Variants in PFKFB3 observed in about 807,000 individuals in gnomAD.
The protein encoded by PFKFB3 is 6-phosphofructo-2-kinase/fructose-2,6-bisphosphatase 3.
Under a neutral mutation model 68.0 loss-of-function variants are expected in PFKFB3, and 33 were observed. The observed-to-expected ratio is 0.49, with a 90% confidence interval of 0.37 to 0.65. The LOEUF is 0.65. Ranked by LOEUF, PFKFB3 falls within the 30% of genes least tolerant of loss-of-function variation. The probability of loss-of-function intolerance (pLI) is 0.00; values close to 1 mark genes in which losing one functional copy is unlikely to be tolerated. For missense variants in PFKFB3, 586 were observed against 712.2 expected (o/e 0.82, Z 2.02); for synonymous variants, 315 against 288.2 (o/e 1.09, Z -0.94).
chr10:6,226,660 G>A (rs74947606), intron 14 of PFKFB3, among the ~76,000 whole-genome samples: 2,892 of 152,342 alleles, frequency 0.019, 93 homozygotes, highest in African/African-American at 0.066. Context: ...TTACAGGGCA[G>A]AAGCAGGCAG....
chr10:6,213,484 T>A, intron 1 of PFKFB3, 139 bp from the exon 2 acceptor site: 1 of 959,198 alleles, frequency 1.0e-6, no homozygotes, highest in Non-Finnish European at 1.6e-6. Flanking sequence ...GCCACCGTGC[T>A]CCCGCCTGGG....
the PFKFB3 span, among the ~76,000 whole-genome samples, chr10:6,286,052 A>G: frequency 7.6e-6 from 1 of 132,010 alleles, no homozygotes; most frequent in Admixed American, 9.6e-5. Flanking sequence ...ATCTTGGCTC[A>G]CTGGAAACTC....
the PFKFB3 span, among the ~76,000 whole-genome samples, chr10:6,283,540 A>AGATGGAGGCCAGAAGACTCAGCCCACGCT: frequency 4.0e-5 from 6 of 151,036 alleles, no homozygotes; most frequent in South Asian, 4.2e-4. Context: ...CATGGGAGAA[A>AGATGGAGGCCAGAAGACTCAGCCCACGCT]GATGGAGGCT....
rs1287961140 is a variant in PFKFB3, at chr10:6,223,946, T to A, written c.1214-12T>A. 11 of 1,612,878 alleles carry A rather than the reference T, an allele frequency of 6.8e-6. No homozygotes were observed. Among genetic ancestry groups the A allele is most frequent in the Middle Eastern group, 1.6e-4 (1 of 6,082 alleles). ...CTCATTTCTAACTGTGGGTGTACAA[T>A]TTCAATTTCAGAGGAGATGCCCTAC... On this transcript the variant is annotated splice_polypyrimidine_tract_variant and intron_variant, in intron 11 of 14. Transcript: ENST00000379775.
At chr10:6,314,418 T>C in the PFKFB3 span, among the ~76,000 whole-genome samples, 1 of 152,260 alleles carries the variant, frequency 6.6e-6, no homozygotes, top group African/African-American at 2.4e-5. Context: ...TCTGTCTGTG[T>C]CTGTGCATAT....
chr10:6,195,830 A>C (rs941720102), intron 1 of PFKFB3, among the ~76,000 whole-genome samples: 1 of 152,214 alleles, frequency 6.6e-6, no homozygotes, highest in Admixed American at 6.5e-5. Flanking sequence ...TGAGTTTCTC[A>C]GTCCATTTTC....
At chr10:6,281,584 A>G in the PFKFB3 span, among the ~76,000 whole-genome samples, 1 of 151,886 alleles carries the variant, frequency 6.6e-6, no homozygotes, top group African/African-American at 2.4e-5. Context: ...GATACATTCC[A>G]CTGTTTTTCC....
chr10:6,223,822 G>T, intron 11 of PFKFB3, 136 bp from the exon 12 acceptor site: 1 of 743,332 alleles, frequency 1.3e-6, no homozygotes, highest in Non-Finnish European at 2.4e-6. Context: ...TTGCCATGTT[G>T]GTCAGGCTGG....
At chr10:6,178,974 C>T (rs759058106) in intron 1 of PFKFB3, among the ~76,000 whole-genome samples, 2 of 152,252 alleles carry the variant, frequency 1.3e-5, no homozygotes, top group Admixed American at 1.3e-4. Context: ...GATTTCATCT[C>T]TGAGGCGGCT....
intron 1 of PFKFB3, among the ~76,000 whole-genome samples, chr10:6,191,999 C>T (rs912653585): frequency 2.9e-5 from 4 of 135,692 alleles, no homozygotes; most frequent in African/African-American, 1.1e-4. Flanking sequence ...AAATTGTATT[C>T]AATCAATCCC....
At chr10:6,236,978 C>T (rs942503494), downstream of PFKFB3, among the ~76,000 whole-genome samples, 2 of 152,152 alleles carry the variant, frequency 1.3e-5, no homozygotes, top group Non-Finnish European at 2.9e-5. Context: ...CGTTTCCATT[C>T]GCTGCCTGGG....
At chr10:6,194,187 A>G (rs1843106290) in intron 1 of PFKFB3, among the ~76,000 whole-genome samples, 1 of 151,808 alleles carries the variant, frequency 6.6e-6, no homozygotes, top group Admixed American at 6.6e-5. Context: ...CCACGTCCCC[A>G]GCCACCTACC....
chr10:6,292,009 A>C, the PFKFB3 span, among the ~76,000 whole-genome samples: 1 of 136,478 alleles, frequency 7.3e-6, no homozygotes, highest in African/African-American at 2.8e-5. Flanking sequence ...GCTGGCATAC[A>C]GTGGTTTGAT....
At chr10:6,295,108 G>C in the PFKFB3 span, among the ~76,000 whole-genome samples, 1 of 152,086 alleles carries the variant, frequency 6.6e-6, no homozygotes, top group African/African-American at 2.4e-5. Flanking sequence ...ACTGTTTGCT[G>C]TAGCTGTAGT....
rs1260700143 is a variant in PFKFB3 at position 6,228,082 on chromosome 10, T to C, written c.1515+1717T>C. 2.6e-6 allele frequency: 3 copies of C among 1,156,260 alleles called. No homozygotes were observed. Among genetic ancestry groups the C allele is most frequent in the Non-Finnish European group, 3.9e-6 (3 of 774,106 alleles). The allele number at this position is 1,156,260 out of a possible 1,614,324, so 71.6% of individuals were successfully genotyped here. ...GGACAGTCCTTCAGGGTGGCCAGGT[T>C]CTTAGGGACGTCTGAAGCTGCTGGC... is the stretch of plus-strand genomic sequence containing the variant. On this transcript the variant is annotated intron_variant, in intron 14 of 14. Coordinates refer to ENST00000379775, the MANE Select transcript of PFKFB3 (RefSeq NM_004566.4). This position sits in a 1 kb window ranked among gnomAD's most constrained non-coding sequence, Gnocchi z 4.5.
intron 1 of PFKFB3, among the ~76,000 whole-genome samples, chr10:6,147,466 G>A (rs1464674658): frequency 2.0e-5 from 3 of 152,264 alleles, no homozygotes; most frequent in South Asian, 4.1e-4. Flanking sequence ...GATCAGCTCC[G>A]TCAGGGGCCC....
chr10:6,237,464 A>C (rs1846040323), downstream of PFKFB3, among the ~76,000 whole-genome samples: 1 of 152,276 alleles, frequency 6.6e-6, no homozygotes. Flanking sequence ...AATGTGAGCA[A>C]AGATGTCGTT....
chr10:6,168,863 C>T (rs987357115), intron 1 of PFKFB3, among the ~76,000 whole-genome samples: 4 of 152,198 alleles, frequency 2.6e-5, no homozygotes, highest in Non-Finnish European at 4.4e-5. Context: ...AAGCACTTCA[C>T]GGAATCCATC....
downstream of PFKFB3, among the ~76,000 whole-genome samples, chr10:6,237,423 G>A (rs531734153): frequency 1.4e-5 from 2 of 140,356 alleles, no homozygotes; most frequent in African/African-American, 5.0e-5. Flanking sequence ...CTTGCAGAAG[G>A]AGGCTTAGGA....
Sources: allele counts gnomAD v4.1 joint callset (sites outside exome capture counted in the v4.1 genomes callset), GRCh38; gene constraint gnomAD v4.1.1; non-coding constraint Gnocchi (gnomAD v3.1); transcripts MANE v1.5; gene names NCBI Gene and HGNC (gene_info 2026-07-23, HGNC 2026-07-21).